The following AAMDC variants were observed in gnomAD, a reference collection of about 807,000 sequenced individuals.
AAMDC encodes adipogenesis associated Mth938 domain containing.
In AAMDC, 16 loss-of-function variants were observed where a neutral mutation model predicts 15.5. That is an observed-to-expected ratio of 1.03 (90% CI 0.70 to 1.57). The LOEUF (loss-of-function observed/expected upper bound fraction) is 1.57. Among genes scored for constraint, AAMDC ranks in the 40% most tolerant of loss-of-function variants. The pLI is 0.00. For synonymous variants in AAMDC, 51 were observed against 51.6 expected, an observed-to-expected ratio of 0.99 and a Z score of 0.05; for missense variants, 141 against 144.9, an observed-to-expected ratio of 0.97 and a Z score of 0.14.
At chr11:77,827,881 A>G (rs1015556586) in intron 1 of AAMDC, among the ~76,000 whole-genome samples, 2 of 152,218 alleles carry the variant, frequency 1.3e-5, no homozygotes, top group African/African-American at 4.8e-5. Context: ...AGAATCCACA[A>G]ATAAAGCTAT....
chr11:77,878,174 A>C (rs1951655330), intron 5 of AAMDC, among the ~76,000 whole-genome samples: 1 of 152,092 alleles, frequency 6.6e-6, no homozygotes, highest in South Asian at 2.1e-4. Flanking sequence ...CATCCTGGCT[A>C]ACATGGTGAA....
At chr11:77,823,541 G>C (rs1590914525) in intron 1 of AAMDC, among the ~76,000 whole-genome samples, 1 of 146,012 alleles carries the variant, frequency 6.8e-6, no homozygotes, top group East Asian at 2.0e-4. Context: ...ACCAGCCTGG[G>C]CAAGGTAGTG....
chr11:77,862,768 G>A (rs552927385), intron 2 of AAMDC, among the ~76,000 whole-genome samples: 47 of 152,332 alleles, frequency 3.1e-4, no homozygotes, highest in African/African-American at 1.1e-3. Flanking sequence ...CTAGGTGTAA[G>A]ATGGTGTTAT....
chr11:77,893,994 C>T (rs145535805), intron 5 of AAMDC, among the ~76,000 whole-genome samples: 2,051 of 151,964 alleles, frequency 0.013, 45 homozygotes, highest in African/African-American at 0.046. Context: ...AACGTATTTA[C>T]ACGTTTTCTT....
intron 5 of AAMDC, among the ~76,000 whole-genome samples, chr11:77,893,087 G>A (rs545280789): frequency 2.0e-5 from 3 of 152,318 alleles, no homozygotes; most frequent in African/African-American, 7.2e-5. Flanking sequence ...CTTCATCAGT[G>A]CTTTAAGATC....
At chr11:77,843,939 T>C (rs138389239) in intron 2 of AAMDC, among the ~76,000 whole-genome samples, 217 of 152,272 alleles carry the variant, frequency 1.4e-3, no homozygotes, top group African/African-American at 4.6e-3. Flanking sequence ...ACTCTCGTTT[T>C]TAAAACCATC....
In AAMDC at chr11:77,823,095, T is replaced by G. The variant is rs1948998402; in HGVS notation, c.-19+1854T>G. On this transcript the variant is annotated intron_variant, in intron 1 of 3. Coordinates refer to ENST00000393427, the MANE Select transcript of AAMDC (RefSeq NM_024684.4). ...CGGGCGTGGTGGCGGCGGGCCCCTG[T>G]AGACAGCTACTCGGGAGGCTGAGGC... is the stretch of plus-strand genomic sequence containing the variant. Among the ~76,000 whole-genome samples, 4 of 150,308 alleles carry G rather than the reference T, an allele frequency of 2.7e-5. No homozygotes were observed. In the South Asian group the frequency reaches 6.3e-4, roughly 23 times the overall value.
chr11:77,862,863 G>A (rs748309181), intron 2 of AAMDC, among the ~76,000 whole-genome samples: 40 of 151,970 alleles, frequency 2.6e-4, no homozygotes, highest in Non-Finnish European at 4.6e-4. Flanking sequence ...AATATAAGTC[G>A]TTTCTTTCTT....
At chr11:77,898,605 A>AAT (rs1952635459) in intron 5 of AAMDC, among the ~76,000 whole-genome samples, 1 of 152,214 alleles carries the variant, frequency 6.6e-6, no homozygotes, top group African/African-American at 2.4e-5. Flanking sequence ...TATGCTGATA[A>AAT]ATATAAGTTC....
At chr11:77,826,771 G>A (rs1279467355) in intron 1 of AAMDC, among the ~76,000 whole-genome samples, 2 of 152,096 alleles carry the variant, frequency 1.3e-5, no homozygotes, top group Middle Eastern at 3.2e-3. Context: ...ACTCACTCAA[G>A]AACAACTAGA....
chr11:77,852,090 G>A (rs1191328675), intron 2 of AAMDC, among the ~76,000 whole-genome samples: 1 of 151,718 alleles, frequency 6.6e-6, no homozygotes, highest in Non-Finnish European at 1.5e-5. Flanking sequence ...GTTGTGGGCA[G>A]CCATAGTGGC....
intron 1 of AAMDC, among the ~76,000 whole-genome samples, chr11:77,836,952 C>T (rs749595508): frequency 4.6e-5 from 7 of 151,988 alleles, no homozygotes; most frequent in African/African-American, 9.7e-5. Flanking sequence ...GCAACAAGAG[C>T]GAAACTCCAT....
chr11:77,856,438 G>A (rs1950625776), intron 2 of AAMDC, among the ~76,000 whole-genome samples: 1 of 152,060 alleles, frequency 6.6e-6, no homozygotes, highest in Admixed American at 6.6e-5. Flanking sequence ...TAGTTCCATA[G>A]CTGCTTCCAC....
chr11:77,839,357 T>G (rs756590848), intron 1 of AAMDC, among the ~76,000 whole-genome samples: 7 of 152,176 alleles, frequency 4.6e-5, no homozygotes, highest in Non-Finnish European at 1.0e-4. Context: ...AGGAATGCTT[T>G]TACACTATTG....
chr11:77,864,319 C>T (rs1444830986), intron 2 of AAMDC, among the ~76,000 whole-genome samples: 1 of 150,922 alleles, frequency 6.6e-6, no homozygotes, highest in Non-Finnish European at 1.5e-5. Context: ...TGGCACATGC[C>T]TGTAATCCCA....
intron 1 of AAMDC, among the ~76,000 whole-genome samples, chr11:77,822,696 G>A (rs1294744361): frequency 1.3e-5 from 2 of 152,092 alleles, no homozygotes; most frequent in African/African-American, 2.4e-5. Flanking sequence ...GCCTTGAATA[G>A]TGATTCATAG....
At chr11:77,857,406 T>C (rs1376986646) in intron 2 of AAMDC, among the ~76,000 whole-genome samples, 2 of 152,176 alleles carry the variant, frequency 1.3e-5, no homozygotes, top group Admixed American at 6.5e-5. Flanking sequence ...AGTAGAATCA[T>C]GGGAAGAGCT....
intron 3 of AAMDC, among the ~76,000 whole-genome samples, chr11:77,871,202 T>C (rs1361006356): frequency 6.6e-6 from 1 of 152,194 alleles, no homozygotes; most frequent in African/African-American, 2.4e-5. Flanking sequence ...ATAGAAAATA[T>C]AGGGCATATT....
chr11:77,842,118 C>T (rs1056931005), intron 1 of AAMDC, among the ~76,000 whole-genome samples: 1 of 152,126 alleles, frequency 6.6e-6, no homozygotes, highest in Non-Finnish European at 1.5e-5. Flanking sequence ...TCTAGAGTGA[C>T]AAATTTTTGG....
Sources: gnomAD v4.1 joint callset for allele counts (sites outside exome capture counted in the v4.1 genomes callset) on GRCh38, gnomAD v4.1.1 for gene constraint, MANE v1.5 for transcripts, NCBI Gene and HGNC (gene_info 2026-07-23, HGNC 2026-07-21) for gene names.